PCDHGB1: variants seen among roughly 807,000 people sequenced by gnomAD.
The protein encoded by PCDHGB1 is protocadherin gamma subfamily B, 1, also known as protocadherin gamma-B1.
PCDHGB1 carries 34 observed loss-of-function variants against 56.6 expected under a neutral mutation model. The observed-to-expected ratio is 0.60, with a 90% CI of 0.46 to 0.80. The LOEUF (loss-of-function observed/expected upper bound fraction) is 0.80, where lower values mean the gene tolerates loss of function less well. Ranked by LOEUF, PCDHGB1 falls within the 30% of genes least tolerant of loss-of-function variation. The pLI is 0.00. For missense variants in PCDHGB1, 1,278 were observed against 1,204.6 expected, an observed-to-expected ratio of 1.06 and a Z score of -0.90; for synonymous variants, 561 against 505.9, an observed-to-expected ratio of 1.11 and a Z score of -1.46.
At chr5:141,472,347 C>G (rs992566469) in intron 1 of PCDHGB1, among the ~76,000 whole-genome samples, 11 of 152,028 alleles carry the variant, frequency 7.2e-5, no homozygotes, top group Non-Finnish European at 1.2e-4. Context: ...CGAGACCATC[C>G]TGGCTAACAC....
intron 1 of PCDHGB1, chr5:141,375,222 G>C: frequency 6.2e-7 from 1 of 1,613,926 alleles, no homozygotes; most frequent in Non-Finnish European, 8.5e-7. Flanking sequence ...GGCCTGAATG[G>C]CCTGGTAACC....
At chr5:141,398,573 G>A (rs561224063) in intron 1 of PCDHGB1, 39 of 1,613,870 alleles carry the variant, frequency 2.4e-5, no homozygotes, top group Non-Finnish European at 3.1e-5. Flanking sequence ...GCACAGCCTG[G>A]CACAAGATTT....
chr5:141,413,524 A>T lies in PCDHGB1; in HGVS notation c.2409+60855A>T, dbSNP rs772774054. The T allele has an allele frequency of 9.3e-6, 15 of 1,613,856 alleles. No individual in the cohort carries two copies. In the Admixed American group the frequency reaches 2.5e-4, roughly 27 times the overall value. ...GAGTTTTAATATCCTTGTGGAAGACAGGGTGAAACTTTTTGGGATAGAAAT... is the reference window on the plus strand; with the variant it reads ...GAGTTTTAATATCCTTGTGGAAGACTGGGTGAAACTTTTTGGGATAGAAAT... On this transcript the variant is annotated intron_variant, in intron 1 of 3. Coordinates refer to ENST00000523390, the MANE Select transcript of PCDHGB1 (RefSeq NM_018922.3).
At position 141,489,314 on chromosome 5, in the gene PCDHGB1, G is replaced by C. The variant is rs374235290; in HGVS notation, c.2410-5493G>C. The stretch of plus-strand genomic sequence containing the variant: ...TGCATGTTGTCCTTGTGCTGCTGGG[G>C]CTGGGTGTCTGGGCAGCTTCGTTAC... On this transcript the variant is annotated intron_variant, in intron 1 of 3. Coordinates refer to ENST00000523390, the MANE Select transcript of PCDHGB1 (RefSeq NM_018922.3). This position sits in a 1 kb window ranked among gnomAD's most constrained non-coding sequence, Gnocchi z 4.5. 2 of 1,596,790 alleles carry C rather than the reference G, an allele frequency of 1.3e-6. No homozygotes were observed. The highest frequency in any genetic ancestry group is 2.2e-5 in the East Asian group (1 of 44,724).
At chr5:141,421,651 A>C in intron 1 of PCDHGB1, 1 of 1,613,868 alleles carries the variant, frequency 6.2e-7, no homozygotes, top group Non-Finnish European at 8.5e-7. Flanking sequence ...AGTGGAGATA[A>C]AAGTCAGTGA....
At chr5:141,396,767 G>C (rs900685366) in intron 1 of PCDHGB1, 1 of 152,220 alleles carries the variant, frequency 6.6e-6, no homozygotes, top group African/African-American at 2.4e-5. Context: ...ATAAATGTTT[G>C]TTATTAATGA....
At chr5:141,420,733 A>T (rs989644819) in intron 1 of PCDHGB1, among the ~76,000 whole-genome samples, 1 of 152,250 alleles carries the variant, frequency 6.6e-6, no homozygotes, top group African/African-American at 2.4e-5. Flanking sequence ...GTCGGTTAAA[A>T]TCAATTGGAA....
intron 1 of PCDHGB1, chr5:141,405,552 G>A (rs2094685427): frequency 1.6e-6 from 1 of 623,718 alleles, no homozygotes. Context: ...CCCAAGTAGA[G>A]TAGCTGGGAC....
In PCDHGB1 at chr5:141,351,305, T is replaced by G; in HGVS notation, c.1045T>G (p.Ser349Ala). The G allele has an allele frequency of 6.2e-7, 1 of 1,613,884 alleles. No individual in the cohort carries two copies. Among genetic ancestry groups the G allele is most frequent in the Non-Finnish European group, 8.5e-7 (1 of 1,179,816 alleles). The change falls in exon 1 of 4, where the codon TCT becomes GCT. Residue 349 changes from serine to alanine, a missense_variant. Ser to Ala is a moderately conservative substitution (Grantham distance 99, BLOSUM62 1). Coordinates refer to ENST00000523390, the MANE Select transcript of PCDHGB1 (RefSeq NM_018922.3). ...CCCAGAGGTGACATTCATGTCCTTC[T>G]CTAACCAGATTCCAGAGGATTCAGA... ...NAPEVTFMSF[S>A]NQIPEDSDLG...
rs553276457 is a variant in PCDHGB1 at position 141,480,179 on chromosome 5, G to A, written c.2410-14628G>A. Among the ~76,000 whole-genome samples, 10 of 152,058 alleles carry A rather than the reference G, an allele frequency of 6.6e-5. No individual in the cohort carries two copies. In the South Asian group the frequency reaches 8.3e-4, roughly 13 times the overall value. On this transcript the variant is annotated intron_variant, in intron 1 of 3. Transcript: ENST00000523390. ...AGCATTTTGGGAGGCTGAGGCAGGC[G>A]GATTGCTTGAGGCCAGCAGTTCAAG... is the stretch of plus-strand genomic sequence containing the variant.
At chr5:141,464,415 C>A (rs1185416197) in intron 1 of PCDHGB1, among the ~76,000 whole-genome samples, 2 of 150,854 alleles carry the variant, frequency 1.3e-5, no homozygotes, top group Admixed American at 6.6e-5. Context: ...ATATATATAT[C>A]TATATATATA....
chr5:141,389,343 T>TACTG, intron 1 of PCDHGB1: 1 of 1,613,992 alleles, frequency 6.2e-7, no homozygotes, highest in Non-Finnish European at 8.5e-7. Flanking sequence ...CCAAGTCTCT[T>TACTG]ACTGCATCAT....
rs2091100634 is a variant in PCDHGB1 at position 141,387,811 on chromosome 5, A to C, written c.2409+35142A>C. 4 of 1,528,618 alleles carry C rather than the reference A, an allele frequency of 2.6e-6. No individual in the cohort carries two copies. The South Asian group carries it at 5.1e-5, about 19-fold the overall frequency. 94.7% of individuals were successfully genotyped at this position (1,528,618 alleles called of 1,614,324 possible). ...CAACTAAAGTCCGTTCGGAGATCCA[A>C]AAATCTGCAATACAGAGGTTATTTG... On this transcript the variant is annotated intron_variant, in intron 1 of 3. Transcript: ENST00000523390.
intron 1 of PCDHGB1, chr5:141,402,809 C>A: frequency 4.9e-6 from 6 of 1,214,046 alleles, no homozygotes; most frequent in Non-Finnish European, 6.6e-6. Flanking sequence ...CCGGCAGATA[C>A]CACAAACCTG....
At chr5:141,388,438 A>C in intron 1 of PCDHGB1, 4 of 1,613,906 alleles carry the variant, frequency 2.5e-6, no homozygotes, top group Non-Finnish European at 3.4e-6. Flanking sequence ...AATAAAGAGA[A>C]ATCAGATGGC....
At chr5:141,417,994 G>T (rs369226139) in intron 1 of PCDHGB1, 231 of 1,613,766 alleles carry the variant, frequency 1.4e-4, no homozygotes, top group Non-Finnish European at 1.8e-4. Flanking sequence ...CCAAGGGCTC[G>T]GTGGTGGGGA....
At chr5:141,408,045 A>G (rs544263424) in intron 1 of PCDHGB1, 8 of 1,236,658 alleles carry the variant, frequency 6.5e-6, no homozygotes, top group Admixed American at 3.0e-5. Flanking sequence ...CAGCTCCCAC[A>G]CAGAGCCTCC....
intron 3 of PCDHGB1, among the ~76,000 whole-genome samples, chr5:141,508,506 C>G (rs2099869342): frequency 6.6e-6 from 1 of 152,180 alleles, no homozygotes; most frequent in Admixed American, 6.5e-5. Context: ...TCTCTCCCTC[C>G]TGGTCCAGCC....
intron 1 of PCDHGB1, chr5:141,389,945 G>A (rs2150405694): frequency 1.9e-6 from 3 of 1,614,056 alleles, no homozygotes; most frequent in Middle Eastern, 1.6e-4. Context: ...CTGAGCTGCA[G>A]TTTTACCTAG....
Sources: gnomAD v4.1 joint callset for allele counts (sites outside exome capture counted in the v4.1 genomes callset) on GRCh38, gnomAD v4.1.1 for gene constraint, Gnocchi (gnomAD v3.1) non-coding constraint, MANE v1.5 for transcripts, NCBI Gene and HGNC (gene_info 2026-07-23, HGNC 2026-07-21) for gene names.